PPP2R2B: variants seen among roughly 807,000 people sequenced by gnomAD.
PPP2R2B encodes protein phosphatase 2 regulatory subunit Bbeta.
Under a neutral mutation model 46.0 loss-of-function variants are expected in PPP2R2B, and 5 were observed. That is an observed-to-expected ratio of 0.11 (90% CI 0.06 to 0.23). The LOEUF (loss-of-function observed/expected upper bound fraction) is 0.23. Ranked by LOEUF, PPP2R2B falls within the 10% of genes least tolerant of loss-of-function variation. The pLI, the probability that PPP2R2B is intolerant of heterozygous loss-of-function variation, is 1.00. For missense variants in PPP2R2B, 367 were observed against 575.0 expected, an observed-to-expected ratio of 0.64 and a Z score of 3.70; for synonymous variants, 215 against 206.7, an observed-to-expected ratio of 1.04 and a Z score of -0.34.
chr5:146,829,477 A>G (rs1373650255), intron 2 of PPP2R2B, among the ~76,000 whole-genome samples: 1 of 152,204 alleles, frequency 6.6e-6, no homozygotes, highest in Non-Finnish European at 1.5e-5. Context: ...GTAAAATCAC[A>G]TTGTTCTTCT....
chr5:146,897,245 G>A (rs1762674438), intron 1 of PPP2R2B, among the ~76,000 whole-genome samples: 1 of 152,194 alleles, frequency 6.6e-6, no homozygotes, highest in Non-Finnish European at 1.5e-5. Flanking sequence ...ATTTAGAAAT[G>A]CCAAAGATGA....
intron 2 of PPP2R2B, among the ~76,000 whole-genome samples, chr5:146,779,481 T>C (rs1350696842): frequency 6.6e-6 from 1 of 152,172 alleles, no homozygotes; most frequent in Non-Finnish European, 1.5e-5. Flanking sequence ...GCATATTAAA[T>C]GACTGCCGGC....
chr5:146,878,316 A>T lies in PPP2R2B; in HGVS notation c.-124-121T>A. 6.9e-7 allele frequency: 1 copy of T among 1,444,548 alleles called. No homozygotes were observed. The highest frequency in any genetic ancestry group is 1.5e-5 in the South Asian group (1 of 67,862). The allele number at this position is 1,444,548 out of a possible 1,614,324, so 89.5% of individuals were successfully genotyped here. ...TCCTCCCGCGCGGTGCGCTCACTCC[A>T]GCTCCAGTTCCCAGCGAGGATGCTG... is the stretch of plus-strand genomic sequence containing the variant. On this transcript the variant is annotated intron_variant, in intron 1 of 9. Transcript: ENST00000394411. This position sits in a 1 kb window ranked among gnomAD's most constrained non-coding sequence, Gnocchi z 4.5.
chr5:146,832,287 T>TCACTA (rs1582216704), intron 2 of PPP2R2B, among the ~76,000 whole-genome samples: 2 of 150,436 alleles, frequency 1.3e-5, no homozygotes, highest in East Asian at 4.0e-4. Flanking sequence ...TCACATTCAC[T>TCACTA]CACTAGTCAG....
intron 2 of PPP2R2B, among the ~76,000 whole-genome samples, chr5:146,825,074 C>T (rs1299485354): frequency 6.6e-6 from 1 of 152,134 alleles, no homozygotes; most frequent in Non-Finnish European, 1.5e-5. Flanking sequence ...AATGAAACCT[C>T]CTGAAAAAGC....
At chr5:146,957,237 T>C (rs1333359363) in intron 1 of PPP2R2B, among the ~76,000 whole-genome samples, 1 of 152,194 alleles carries the variant, frequency 6.6e-6, no homozygotes, top group Non-Finnish European at 1.5e-5. Flanking sequence ...AATGCAGATT[T>C]CTAGATTCTA....
At chr5:146,956,987 T>C (rs1319459046) in intron 1 of PPP2R2B, among the ~76,000 whole-genome samples, 2 of 152,190 alleles carry the variant, frequency 1.3e-5, no homozygotes, top group Admixed American at 1.3e-4. Context: ...GGGGTTAAGA[T>C]TTCAGCATAT....
intron 1 of PPP2R2B, among the ~76,000 whole-genome samples, chr5:146,987,764 T>A (rs2151859654): frequency 6.6e-6 from 1 of 152,026 alleles, no homozygotes. Flanking sequence ...CAGTAGTAAG[T>A]TCTTACTACT....
At chr5:146,629,333 AG>A (rs1378440372) in intron 7 of PPP2R2B, among the ~76,000 whole-genome samples, 1 of 152,126 alleles carries the variant, frequency 6.6e-6, no homozygotes, top group African/African-American at 2.4e-5. Flanking sequence ...CAAACCTACG[AG>A]TTATCTTAGA....
At chr5:147,074,375 C>T (rs1419499979) in intron 2 of PPP2R2B, among the ~76,000 whole-genome samples, 2 of 152,102 alleles carry the variant, frequency 1.3e-5, no homozygotes, top group Admixed American at 1.3e-4. Flanking sequence ...CATTGCCAGC[C>T]CTTCACCCTG....
intron 5 of PPP2R2B, among the ~76,000 whole-genome samples, chr5:146,673,388 A>AT (rs1250588620): frequency 2.0e-5 from 3 of 152,078 alleles, no homozygotes; most frequent in African/African-American, 7.2e-5. Context: ...AGAAAAGATT[A>AT]TTTTTTTCCC....
rs764882923 is a variant in PPP2R2B, at chr5:146,593,102, A to C, written c.961-40T>G. On this transcript the variant is annotated intron_variant, in intron 8 of 9. Transcript: ENST00000394411. Reference sequence around the variant, plus strand: ...TATCGAGAAGGTCAGTTATTATTTTAAACAGTAATTATTTCTGCAAACACC... The same window carrying C: ...TATCGAGAAGGTCAGTTATTATTTTCAACAGTAATTATTTCTGCAAACACC... The C allele has an allele frequency of 2.0e-6, 3 of 1,495,338 alleles. No homozygotes were observed. In the South Asian group the frequency reaches 3.4e-5, roughly 17 times the overall value. The allele number at this position is 1,495,338 out of a possible 1,614,324, so 92.6% of individuals were successfully genotyped here. A position where few individuals can be genotyped will look rare whatever the true frequency, so the allele number is the denominator to read the frequency against.
At chr5:146,602,400 T>G (rs945206707) in intron 7 of PPP2R2B, among the ~76,000 whole-genome samples, 1 of 152,240 alleles carries the variant, frequency 6.6e-6, no homozygotes, top group Admixed American at 6.5e-5. Flanking sequence ...TTCTGGGTGC[T>G]TAGCATGTAT....
At chr5:146,900,281 C>A (rs1762783039) in intron 1 of PPP2R2B, among the ~76,000 whole-genome samples, 1 of 152,212 alleles carries the variant, frequency 6.6e-6, no homozygotes, top group Non-Finnish European at 1.5e-5. Context: ...ATCTGCTATT[C>A]TTCTTCCAGA....
chr5:147,019,626 G>A (rs539101605), intron 1 of PPP2R2B, among the ~76,000 whole-genome samples: 2 of 151,946 alleles, frequency 1.3e-5, no homozygotes, highest in African/African-American at 4.8e-5. Context: ...CTATTACTTT[G>A]AAAGAGGATA....
intron 2 of PPP2R2B, among the ~76,000 whole-genome samples, chr5:146,785,120 A>T (rs1284882879): frequency 6.6e-6 from 1 of 152,210 alleles, no homozygotes; most frequent in Non-Finnish European, 1.5e-5. Flanking sequence ...CATTGAATAA[A>T]CCCTCAACCT....
chr5:146,945,344 C>T (rs1403018117), intron 1 of PPP2R2B, among the ~76,000 whole-genome samples: 1 of 152,160 alleles, frequency 6.6e-6, no homozygotes, highest in Non-Finnish European at 1.5e-5. Flanking sequence ...GGAAAGCAAC[C>T]TAAAACTGGG....
chr5:146,711,344 T>C (rs1347479055), intron 2 of PPP2R2B, among the ~76,000 whole-genome samples: 1 of 152,192 alleles, frequency 6.6e-6, no homozygotes, highest in Non-Finnish European at 1.5e-5. Flanking sequence ...ATATAGAGAA[T>C]GGATAACCCT....
intron 2 of PPP2R2B, among the ~76,000 whole-genome samples, chr5:146,729,721 C>T (rs546473039): frequency 1.3e-5 from 2 of 152,326 alleles, no homozygotes; most frequent in South Asian, 2.1e-4. Context: ...CAAGCCTTGG[C>T]AGCTTCCATG....
Sources: allele counts gnomAD v4.1 joint callset (sites outside exome capture counted in the v4.1 genomes callset), GRCh38; gene constraint gnomAD v4.1.1; non-coding constraint Gnocchi (gnomAD v3.1); transcripts MANE v1.5; gene names NCBI Gene and HGNC (gene_info 2026-07-23, HGNC 2026-07-21).